MYO16: variants seen among roughly 807,000 people sequenced by gnomAD.
MYO16 encodes unconventional myosin-XVI.
MYO16 carries 94 observed loss-of-function variants against 205.3 expected under a neutral mutation model. That is an observed-to-expected ratio of 0.46 (90% CI 0.39 to 0.54). The LOEUF is 0.54. Among genes scored for constraint, MYO16 ranks in the 20% least tolerant of loss-of-function variants. The probability of loss-of-function intolerance (pLI) is 0.00; values close to 1 mark genes in which losing one functional copy is unlikely to be tolerated. For synonymous variants in MYO16, 988 were observed against 954.0 expected, an observed-to-expected ratio of 1.04 and a Z score of -0.66; for missense variants, 2,315 against 2,387.5, an observed-to-expected ratio of 0.97 and a Z score of 0.63.
At chr13:108,869,579 A>C (rs1878921807) in intron 12 of MYO16, among the ~76,000 whole-genome samples, 1 of 150,638 alleles carries the variant, frequency 6.6e-6, no homozygotes, top group Non-Finnish European at 1.5e-5. Context: ...AAAAAAAAAA[A>C]AGTTAGCCGG....
Position 108,863,454 on chromosome 13 carries a change from CAT to C in MYO16, c.1360-2720_1360-2719del, listed in dbSNP as rs756120226. On this transcript the variant is annotated intron_variant, in intron 11 of 34. Transcript: ENST00000457511. ...CTTTATCTCTGTTTATGCAGATGAT[CAT>C]ATGTCTTTTTAAGTTTTTTAAAATA... 7.2e-5 allele frequency among the ~76,000 whole-genome samples: 11 copies of C among 152,166 alleles called. No homozygotes were observed. The South Asian group carries it at 1.2e-3, about 17-fold the overall frequency.
the MYO16 span, among the ~76,000 whole-genome samples, chr13:108,571,672 G>A: frequency 6.6e-6 from 1 of 151,952 alleles, no homozygotes; most frequent in Non-Finnish European, 1.5e-5. Flanking sequence ...GTTGCAGGAT[G>A]CTAGCATTGC....
chr13:108,812,371 G>T (rs1187865572), intron 7 of MYO16, among the ~76,000 whole-genome samples: 1 of 152,194 alleles, frequency 6.6e-6, no homozygotes. Context: ...TCAGACAGGA[G>T]CCAACACAGA....
At chr13:108,813,965 A>G (rs538811034) in intron 7 of MYO16, among the ~76,000 whole-genome samples, 1 of 152,296 alleles carries the variant, frequency 6.6e-6, no homozygotes, top group South Asian at 2.1e-4. Context: ...GGAAATATTG[A>G]CTTTACGAAA....
At chr13:108,731,256 G>A (rs1884513136) in intron 4 of MYO16, among the ~76,000 whole-genome samples, 1 of 152,214 alleles carries the variant, frequency 6.6e-6, no homozygotes, top group Non-Finnish European at 1.5e-5. Flanking sequence ...GCACTTGATA[G>A]ATGCTTAGTG....
the MYO16 span, among the ~76,000 whole-genome samples, chr13:108,553,027 T>A: frequency 7.7e-6 from 1 of 130,516 alleles, no homozygotes; most frequent in Non-Finnish European, 1.6e-5. Context: ...TTTTTTTTTT[T>A]TTTTTTTTTG....
At chr13:108,652,539 T>C (rs534513553) in intron 1 of MYO16, among the ~76,000 whole-genome samples, 8 of 152,358 alleles carry the variant, frequency 5.3e-5, no homozygotes, top group South Asian at 2.1e-4. Flanking sequence ...TCTGAAGCTC[T>C]GTACCCATTC....
intron 32 of MYO16, among the ~76,000 whole-genome samples, chr13:109,156,094 G>T (rs1355183243): frequency 6.6e-6 from 1 of 152,114 alleles, no homozygotes; most frequent in African/African-American, 2.4e-5. Context: ...AGTAATACAG[G>T]GTTTCAGAGA....
chr13:108,661,402 T>C (rs539607287), intron 1 of MYO16, among the ~76,000 whole-genome samples: 3 of 152,230 alleles, frequency 2.0e-5, no homozygotes, highest in Admixed American at 2.0e-4. Context: ...ATTTTCTTCT[T>C]CCTCAAGTAC....
intron 28 of MYO16, among the ~76,000 whole-genome samples, chr13:109,115,391 G>A (rs935634024): frequency 7.9e-5 from 12 of 151,734 alleles, no homozygotes; most frequent in South Asian, 4.2e-4. Flanking sequence ...TAAAAATAGC[G>A]ATGACTGTAA....
chr13:108,772,611 G>T (rs902983214), intron 4 of MYO16, among the ~76,000 whole-genome samples: 1 of 152,072 alleles, frequency 6.6e-6, no homozygotes, highest in African/African-American at 2.4e-5. Context: ...ATGCGATCAA[G>T]TGCATACTTG....
intron 28 of MYO16, among the ~76,000 whole-genome samples, chr13:109,104,061 C>T (rs1274358881): frequency 1.3e-5 from 2 of 152,082 alleles, no homozygotes; most frequent in African/African-American, 4.8e-5. Flanking sequence ...ACAGAGAGCC[C>T]TTGTCTTAAT....
At chr13:108,666,796 C>T (rs889726830) in intron 2 of MYO16, among the ~76,000 whole-genome samples, 3 of 152,104 alleles carry the variant, frequency 2.0e-5, no homozygotes, top group African/African-American at 7.2e-5. Context: ...CTTCACAAGA[C>T]TGTTAAATTT....
chr13:108,662,313 G>A (rs1881538329), intron 1 of MYO16, among the ~76,000 whole-genome samples: 1 of 152,210 alleles, frequency 6.6e-6, no homozygotes, highest in African/African-American at 2.4e-5. Context: ...GTAGTGTGGA[G>A]AGGGACTGGC....
At chr13:108,750,610 A>G (rs1433104558) in intron 4 of MYO16, among the ~76,000 whole-genome samples, 1 of 66,654 alleles carries the variant, frequency 1.5e-5, no homozygotes, top group African/African-American at 4.6e-5. Context: ...CTCTACTAAA[A>G]CTACAGAAAA....
chr13:108,720,876 A>G (rs999960805), intron 3 of MYO16, among the ~76,000 whole-genome samples: 1 of 152,206 alleles, frequency 6.6e-6, no homozygotes, highest in Admixed American at 6.5e-5. Flanking sequence ...TGTGATTTGT[A>G]AATATTTGTA....
chr13:108,694,394 C>T (rs1883011100), intron 2 of MYO16, among the ~76,000 whole-genome samples: 1 of 152,186 alleles, frequency 6.6e-6, no homozygotes, highest in South Asian at 2.1e-4. Flanking sequence ...TTTACATTCT[C>T]TCCTGCAATA....
At chr13:108,756,451 T>A (rs1055696459) in intron 4 of MYO16, among the ~76,000 whole-genome samples, 7 of 152,148 alleles carry the variant, frequency 4.6e-5, no homozygotes, top group Non-Finnish European at 8.8e-5. Flanking sequence ...AGAAAAACTT[T>A]CTGTGATTTA....
chr13:108,522,980 C>A, the MYO16 span, among the ~76,000 whole-genome samples: 1 of 152,026 alleles, frequency 6.6e-6, no homozygotes, highest in South Asian at 2.1e-4. Context: ...CACTTCAATC[C>A]ATAACAAAAA....
Sources: gnomAD v4.1 joint callset for allele counts (sites outside exome capture counted in the v4.1 genomes callset) on GRCh38, gnomAD v4.1.1 for gene constraint, MANE v1.5 for transcripts, NCBI Gene and HGNC (gene_info 2026-07-23, HGNC 2026-07-21) for gene names.